AFDN: variants seen among roughly 807,000 people sequenced by gnomAD.
AFDN encodes the protein afadin.
In AFDN, 68 loss-of-function variants were observed where a neutral mutation model predicts 216.6. The ratio of observed to expected loss-of-function variants is 0.31; its 90% CI spans 0.26 to 0.38. The LOEUF (loss-of-function observed/expected upper bound fraction) is 0.38. Ranked by LOEUF, AFDN falls within the 10% of genes least tolerant of loss-of-function variation. The pLI is 1.00. For synonymous variants in AFDN, 868 were observed against 853.7 expected (o/e 1.02, Z -0.29); for missense variants, 2,136 against 2,342.0 (o/e 0.91, Z 1.82).
At chr6:167,938,504 G>A (rs1428846827) in intron 23 of AFDN, among the ~76,000 whole-genome samples, 1 of 152,186 alleles carries the variant, frequency 6.6e-6, no homozygotes, top group Non-Finnish European at 1.5e-5. Context: ...AATTTATAAT[G>A]TAAACTTCAA....
Position 167,970,014 on chromosome 6 carries a change from A to G in AFDN, c.*79A>G, listed in dbSNP as rs969916973. The G allele has an allele frequency of 1.1e-5, 12 of 1,132,330 alleles. No homozygotes were observed. The African/African-American group carries it at 1.3e-4, about 12-fold the overall frequency. 70.1% of individuals were successfully genotyped at this position (1,132,330 alleles called of 1,614,324 possible). A position where few individuals can be genotyped will look rare whatever the true frequency, so the allele number is the denominator to read the frequency against. On this transcript the variant is annotated 3_prime_UTR_variant, in exon 34 of 34. Transcript: ENST00000683244. ...TTTGTAGGTGCGAGTTTGAAGAGGA[A>G]AAGAGGAAGGGGGTTATATTTCTAA...
At chr6:167,850,635 CCTT>C (rs543522264) in intron 1 of AFDN, among the ~76,000 whole-genome samples, 195 of 152,172 alleles carry the variant, frequency 1.3e-3, no homozygotes, top group African/African-American at 4.4e-3. Flanking sequence ...AAATTTAGAA[CCTT>C]CTTATTATTT....
At chr6:167,958,655 A>G (rs12662380) in intron 30 of AFDN, among the ~76,000 whole-genome samples, 19,606 of 152,206 alleles carry the variant, frequency 0.13, 1,511 homozygotes, top group South Asian at 0.21. Flanking sequence ...TGCTTTCCTT[A>G]CATGAAAGCC....
Position 167,927,324 on chromosome 6 carries a change from G to A in AFDN, c.3099+2233G>A, listed in dbSNP as rs118092277. On this transcript the variant is annotated intron_variant, in intron 23 of 33. Coordinates refer to ENST00000683244, the MANE Select transcript of AFDN (RefSeq NM_001386888.1). ...GAGCACAAGCAGAGATAGAAGAAAC[G>A]AGTCTTGTGTGGGCCACTTTTGGAT... 7.2e-5 allele frequency among the ~76,000 whole-genome samples: 11 copies of A among 152,168 alleles called. No individual in the cohort carries two copies. In the East Asian group the frequency reaches 1.6e-3, roughly 21 times the overall value.
At chr6:167,877,560 G>A (rs1785532555) in intron 5 of AFDN, among the ~76,000 whole-genome samples, 1 of 152,128 alleles carries the variant, frequency 6.6e-6, no homozygotes, top group South Asian at 2.1e-4. Flanking sequence ...AGACTCTGAG[G>A]AAACTCTTAA....
At chr6:167,877,125 T>TA (rs1785478806) in intron 5 of AFDN, among the ~76,000 whole-genome samples, 1 of 152,074 alleles carries the variant, frequency 6.6e-6, no homozygotes. Flanking sequence ...TCTGAAGAAA[T>TA]ATTTAAGAGG....
chr6:167,911,733 A>C, intron 15 of AFDN: 1 of 499,878 alleles, frequency 2.0e-6, no homozygotes, highest in South Asian at 2.3e-5. Context: ...AATAGTTGTG[A>C]GAAAGTGCTG....
chr6:167,869,556 G>A (rs921767659), intron 2 of AFDN, among the ~76,000 whole-genome samples: 29 of 152,274 alleles, frequency 1.9e-4, no homozygotes, highest in African/African-American at 7.0e-4. Flanking sequence ...GGGGCTTGCA[G>A]CGTCAAATCT....
chr6:167,903,418 C>A (rs1423746835), intron 12 of AFDN, among the ~76,000 whole-genome samples: 1 of 152,190 alleles, frequency 6.6e-6, no homozygotes, highest in African/African-American at 2.4e-5. Context: ...AGCCAGAAGT[C>A]GTAGTGTTGT....
chr6:167,864,493 A>G, intron 1 of AFDN, 58 bp from the exon 2 acceptor site: 1 of 1,480,826 alleles, frequency 6.8e-7, no homozygotes, highest in Non-Finnish European at 9.4e-7. Context: ...TTATTACAAA[A>G]AGTGAATCCT....
At chr6:167,914,403 A>G in intron 17 of AFDN, 90 bp downstream of exon 17, 3 of 1,494,588 alleles carry the variant, frequency 2.0e-6, no homozygotes, top group Non-Finnish European at 1.8e-6. Context: ...TTTAAGATTT[A>G]TATTTACCTT....
At chr6:167,829,601 A>G (rs1405783937) in intron 1 of AFDN, among the ~76,000 whole-genome samples, 1 of 152,186 alleles carries the variant, frequency 6.6e-6, no homozygotes, top group African/African-American at 2.4e-5. Context: ...TTGTAGAAAT[A>G]AGATTTAAGC....
At chr6:167,963,406 C>G in intron 31 of AFDN, 2 of 1,055,738 alleles carry the variant, frequency 1.9e-6, no homozygotes, top group Non-Finnish European at 2.3e-6. Context: ...GTTACAACTT[C>G]TGATGGCGGA....
intron 21 of AFDN, among the ~76,000 whole-genome samples, chr6:167,920,332 C>T (rs1212306752): frequency 6.6e-6 from 1 of 152,122 alleles, no homozygotes; most frequent in African/African-American, 2.4e-5. Flanking sequence ...TCTGCCATTC[C>T]CTGGAAAAAG....
chr6:167,842,504 G>A (rs1266849584), intron 1 of AFDN, among the ~76,000 whole-genome samples: 1 of 151,842 alleles, frequency 6.6e-6, no homozygotes, highest in Admixed American at 6.6e-5. Flanking sequence ...ACTTCAAACT[G>A]TGTATGCTTA....
rs750257936 is a variant in AFDN, at chr6:167,896,835, A to G, written c.1223-43A>G. 5.8e-6 allele frequency: 7 copies of G among 1,202,432 alleles called. No homozygotes were observed. In the African/African-American group the frequency reaches 9.0e-5, roughly 15 times the overall value. The allele number at this position is 1,202,432 out of a possible 1,614,324, so 74.5% of individuals were successfully genotyped here. On this transcript the variant is annotated intron_variant, in intron 9 of 33. Coordinates refer to ENST00000683244, the MANE Select transcript of AFDN (RefSeq NM_001386888.1). ...TTGTTGGAAATAACATGACAGTAAT[A>G]TTAGACTTTGCAAATAGAGCTGTCT... is the stretch of plus-strand genomic sequence containing the variant.
chr6:167,958,960 A>C (rs1796782319), intron 30 of AFDN, among the ~76,000 whole-genome samples: 1 of 152,270 alleles, frequency 6.6e-6, no homozygotes, highest in Non-Finnish European at 1.5e-5. Flanking sequence ...GTCACAGTGC[A>C]TCTTCAGGAA....
chr6:167,943,844 G>C (rs1400829468), intron 25 of AFDN, 97 bp from the exon 26 acceptor site: 1 of 1,018,580 alleles, frequency 9.8e-7, no homozygotes, highest in Non-Finnish European at 1.5e-6. Context: ...AGATGAAGCT[G>C]TGTAACATGA....
chr6:167,899,828 A>G (rs762719066), intron 11 of AFDN, among the ~76,000 whole-genome samples: 20 of 152,170 alleles, frequency 1.3e-4, no homozygotes, highest in Admixed American at 2.0e-4. Flanking sequence ...GAGTTGTAAT[A>G]TATTTCTTGT....
Sources: allele counts gnomAD v4.1 joint callset (sites outside exome capture counted in the v4.1 genomes callset), GRCh38; gene constraint gnomAD v4.1.1; transcripts MANE v1.5; gene names NCBI Gene and HGNC (gene_info 2026-07-23, HGNC 2026-07-21).